The following DNAJC17 variants were observed in gnomAD, a reference collection of about 807,000 sequenced individuals.
DNAJC17 encodes dnaJ homolog subfamily C member 17.
In DNAJC17, 35 loss-of-function variants were observed where a neutral mutation model predicts 48.1. That is an observed-to-expected ratio of 0.73 (90% CI 0.56 to 0.96). The LOEUF (loss-of-function observed/expected upper bound fraction) is 0.96. DNAJC17 is among the 50% of genes least tolerant of loss of function. DNAJC17 has a pLI of 0.00. For missense variants in DNAJC17, 355 were observed against 377.1 expected (o/e 0.94, Z 0.48); for synonymous variants, 117 against 142.7 (o/e 0.82, Z 1.28).
At chr15:40,780,558 C>T in intron 1 of DNAJC17, 1 of 358,632 alleles carries the variant, frequency 2.8e-6, no homozygotes, top group Non-Finnish European at 5.5e-6. Context: ...TCACGCCTGT[C>T]ATCCCAGCAC....
In DNAJC17 at chr15:40,779,534, G is replaced by A. The variant is rs1245153649; in HGVS notation, c.207+11C>T. On this transcript the variant is annotated intron_variant, in intron 3 of 10. Transcript: ENST00000220496. Reference sequence around the variant, plus strand: ...ATGGGGGACGATTCCGATGAAGGAGGCTGTGCTTACCCTGGCTGCAGCATC... The same window carrying A: ...ATGGGGGACGATTCCGATGAAGGAGACTGTGCTTACCCTGGCTGCAGCATC... The A allele has an allele frequency of 1.2e-6, 2 of 1,614,124 alleles. No homozygotes were observed. The highest frequency in any genetic ancestry group is 1.7e-6 in the Non-Finnish European group (2 of 1,180,000).
intron 1 of DNAJC17, among the ~76,000 whole-genome samples, chr15:40,805,669 A>C (rs944504487): frequency 6.6e-6 from 1 of 151,748 alleles, no homozygotes; most frequent in African/African-American, 2.4e-5. Flanking sequence ...TCTCTACTAA[A>C]AATAAAAATT....
Position 40,767,779 on chromosome 15 carries a change from G to T in DNAJC17, c.*161C>A. 1 of 1,054,268 alleles carries T rather than the reference G, an allele frequency of 9.5e-7. No individual in the cohort carries two copies. The highest frequency in any genetic ancestry group is 1.3e-6 in the Non-Finnish European group (1 of 754,246). The allele number at this position is 1,054,268 out of a possible 1,614,324, so 65.3% of individuals were successfully genotyped here. A position where few individuals can be genotyped will look rare whatever the true frequency, so the allele number is the denominator to read the frequency against. On this transcript the variant is annotated 3_prime_UTR_variant, in exon 11 of 11. Coordinates refer to ENST00000220496, the MANE Select transcript of DNAJC17 (RefSeq NM_018163.3). ...CTGCGGAGCGTTTCCCTGGGGGTCTGCCCACTTCCTGGGAGGGGCGCCAGG... is the reference window on the plus strand; with the variant it reads ...CTGCGGAGCGTTTCCCTGGGGGTCTTCCCACTTCCTGGGAGGGGCGCCAGG...
intron 1 of DNAJC17, among the ~76,000 whole-genome samples, chr15:40,805,533 C>T (rs1328107040): frequency 6.6e-6 from 1 of 151,458 alleles, no homozygotes; most frequent in African/African-American, 2.4e-5. Context: ...GGCGACAGAG[C>T]GAGACTCCGT....
chr15:40,776,662 C>A, intron 4 of DNAJC17, 35 bp from the exon 5 acceptor site: 1 of 1,611,312 alleles, frequency 6.2e-7, no homozygotes, highest in South Asian at 1.1e-5. Context: ...GACTGCTGGT[C>A]TGTTCAGTTT....
In DNAJC17 at chr15:40,794,668, AAAAAAAC is replaced by A. The variant is rs1405142749; in HGVS notation, c.78+12694_78+12700del. 3.3e-5 allele frequency among the ~76,000 whole-genome samples: 5 copies of A among 152,262 alleles called. 1 individual carries two copies. The highest frequency in any genetic ancestry group is 1.2e-4 in the African/African-American group (5 of 41,550). The stretch of plus-strand genomic sequence containing the variant: ...GCTGGGGCAAAGCGAGACCATCTTT[AAAAAAAC>A]AAAAAACAAAAATAAAAACGGTTAC... On this transcript the variant is annotated intron_variant, in intron 1 of 10. Transcript: ENST00000220496.
rs376380319 is a variant in DNAJC17 at position 40,773,709 on chromosome 15, C to A, written c.792+18G>T. On this transcript the variant is annotated intron_variant, in intron 10 of 10. Transcript: ENST00000220496. ...TCCGAGACCTGAGCGCCCAGCCGGGCGAGGCCTGACTCCTCACCTTTGACA... is the reference window on the plus strand; with the variant it reads ...TCCGAGACCTGAGCGCCCAGCCGGGAGAGGCCTGACTCCTCACCTTTGACA... 4.4e-6 allele frequency: 7 copies of A among 1,600,440 alleles called. No homozygotes were observed. Among genetic ancestry groups the A allele is most frequent in the South Asian group, 1.1e-5 (1 of 89,914 alleles).
Position 40,769,064 on chromosome 15 carries a change from G to A in DNAJC17, c.793-1002C>T, listed in dbSNP as rs1238050864. ...AGCTAGGGTTGAGATGCCAGGCCCT[G>A]GCCAGCAGGTTTGGAGTAAGGGGTG... On this transcript the variant is annotated intron_variant, in intron 10 of 10. Transcript: ENST00000220496. The surrounding 1 kb of genome is among the most constrained non-coding windows in gnomAD (Gnocchi z 4.2). Among the ~76,000 whole-genome samples, 1 of 152,258 alleles carries A rather than the reference G, an allele frequency of 6.6e-6. No individual in the cohort carries two copies. Among genetic ancestry groups the A allele is most frequent in the African/African-American group, 2.4e-5 (1 of 41,474 alleles).
chr15:40,778,062 C>T (rs57191378), intron 4 of DNAJC17, among the ~76,000 whole-genome samples: 2 of 151,586 alleles, frequency 1.3e-5, no homozygotes, highest in African/African-American at 2.4e-5. Context: ...CACAGCGGCT[C>T]GCACCTGTAG....
intron 4 of DNAJC17, among the ~76,000 whole-genome samples, chr15:40,778,760 C>T (rs1410659819): frequency 6.6e-6 from 1 of 152,098 alleles, no homozygotes; most frequent in African/African-American, 2.4e-5. Context: ...CATGGTGAAA[C>T]TCCATCTCTA....
chr15:40,778,497 C>T (rs1193500950), intron 4 of DNAJC17, among the ~76,000 whole-genome samples: 2 of 152,110 alleles, frequency 1.3e-5, no homozygotes, highest in South Asian at 2.1e-4. Context: ...GTGATCCACC[C>T]GCCTCGGCCT....
At chr15:40,805,336 A>G (rs1038702145) in intron 1 of DNAJC17, among the ~76,000 whole-genome samples, 4 of 144,126 alleles carry the variant, frequency 2.8e-5, no homozygotes, top group African/African-American at 5.3e-5. Context: ...AGATCATGCC[A>G]CTGCACTCCA....
At chr15:40,771,118 AG>A in intron 10 of DNAJC17, 1 of 1,198,936 alleles carries the variant, frequency 8.3e-7, no homozygotes, top group South Asian at 1.5e-5. Context: ...CCATCGCTGG[AG>A]GGTTCAGGCA....
chr15:40,768,655 G>A (rs1418747443), intron 10 of DNAJC17, among the ~76,000 whole-genome samples: 1 of 152,226 alleles, frequency 6.6e-6, no homozygotes, highest in Non-Finnish European at 1.5e-5. Flanking sequence ...CAGGGCTCCT[G>A]GAGGGCAGGG....
chr15:40,795,223 T>C (rs1889915966), intron 1 of DNAJC17, among the ~76,000 whole-genome samples: 1 of 129,328 alleles, frequency 7.7e-6, no homozygotes, highest in Non-Finnish European at 1.5e-5. Context: ...CACTCCAGCC[T>C]GGGCGGGAGA....
intron 1 of DNAJC17, among the ~76,000 whole-genome samples, chr15:40,804,961 C>G (rs1462252126): frequency 5.9e-5 from 9 of 151,752 alleles, no homozygotes; most frequent in Non-Finnish European, 1.3e-4. Flanking sequence ...AAGGTTGCAC[C>G]ACTGCACTCC....
rs1027797632 is a variant in DNAJC17, at chr15:40,775,740, G to A, written c.479-144C>T. 83 of 834,010 alleles carry A rather than the reference G, an allele frequency of 1.0e-4. No homozygotes were observed. The Admixed American group carries it at 1.0e-3, about 10-fold the overall frequency. The allele number at this position is 834,010 out of a possible 1,614,324, so 51.7% of individuals were successfully genotyped here. On this transcript the variant is annotated intron_variant, in intron 6 of 10. Coordinates refer to ENST00000220496, the MANE Select transcript of DNAJC17 (RefSeq NM_018163.3). ...CCTGCCCAGCTCTGGTGAGGGCCTG[G>A]TGGGGAAAGCAGATGCCCATCCCCA...
intron 1 of DNAJC17, among the ~76,000 whole-genome samples, chr15:40,783,559 T>C (rs1466293153): frequency 6.6e-6 from 1 of 152,224 alleles, no homozygotes; most frequent in East Asian, 1.9e-4. Flanking sequence ...TTTTGTATCA[T>C]GGGGCTCTTT....
At chr15:40,782,041 T>C (rs116671253) in intron 1 of DNAJC17, among the ~76,000 whole-genome samples, 11,295 of 151,902 alleles carry the variant, frequency 0.074, 1,073 homozygotes, top group African/African-American at 0.22. Context: ...CTGGGCAACA[T>C]GGCAAGACCT....
Sources: allele counts gnomAD v4.1 joint callset (sites outside exome capture counted in the v4.1 genomes callset), GRCh38; gene constraint gnomAD v4.1.1; non-coding constraint Gnocchi (gnomAD v3.1); transcripts MANE v1.5; gene names NCBI Gene and HGNC (gene_info 2026-07-23, HGNC 2026-07-21).